Variants in ZMYM2 observed in about 807,000 individuals in gnomAD.
ZMYM2 encodes the protein zinc finger MYM-type protein 2.
A neutral mutation model predicts 162.8 loss-of-function variants in ZMYM2; 56 were observed. The observed-to-expected ratio is 0.34, with a 90% CI of 0.28 to 0.43. ZMYM2 has a LOEUF of 0.43. Ranked by LOEUF, ZMYM2 falls within the 20% of genes least tolerant of loss-of-function variation. ZMYM2 has a pLI of 1.00. For missense variants in ZMYM2, 1,275 were observed against 1,621.8 expected (o/e 0.79, Z 3.67); for synonymous variants, 510 against 541.6 (o/e 0.94, Z 0.81).
the ZMYM2 span, among the ~76,000 whole-genome samples, chr13:19,883,203 TAG>T: frequency 6.6e-6 from 1 of 152,126 alleles, no homozygotes; most frequent in Non-Finnish European, 1.5e-5. Context: ...AGTAAACCTA[TAG>T]AGACAGGAAC....
rs375642889 is a variant in ZMYM2, at chr13:20,007,869, C to T, written c.1512+1283C>T. 1.6e-4 allele frequency among the ~76,000 whole-genome samples: 25 copies of T among 152,134 alleles called. 1 individual carries two copies. The highest frequency in any genetic ancestry group is 9.7e-4 in the East Asian group (5 of 5,172). ...CTCCTGAGCTCAAGTGGTCTCCGTG[C>T]CTCGGCCTCCCAAAGTGCTGGGATT... is the stretch of plus-strand genomic sequence containing the variant. On this transcript the variant is annotated intron_variant, in intron 6 of 24. Coordinates refer to ENST00000610343, the MANE Select transcript of ZMYM2 (RefSeq NM_197968.4).
intron 2 of ZMYM2, among the ~76,000 whole-genome samples, chr13:19,966,127 T>A (rs533438764): frequency 7.5e-5 from 11 of 147,394 alleles, no homozygotes; most frequent in African/African-American, 2.8e-4. Flanking sequence ...TTTTTTTTTG[T>A]TTTTGTTTTG....
chr13:20,086,851 G>A lies in ZMYM2; in HGVS notation c.*837G>A, dbSNP rs1958304932. The A allele has an allele frequency of 6.1e-6, 1 of 165,064 alleles. No individual in the cohort carries two copies. Among genetic ancestry groups the A allele is most frequent in the African/African-American group, 2.4e-5 (1 of 41,342 alleles). The allele number at this position is 165,064 out of a possible 1,614,324, so 10.2% of individuals were successfully genotyped here. A position where few individuals can be genotyped will look rare whatever the true frequency, so the allele number is the denominator to read the frequency against. On this transcript the variant is annotated 3_prime_UTR_variant, in exon 25 of 25. Transcript: ENST00000610343. ...ATCAAGACATTTCCTTTGTAAAAAT[G>A]TCTGGTGAAAGTATAAAATTCTGTT...
chr13:19,986,044 G>T (rs1949106225), intron 2 of ZMYM2, among the ~76,000 whole-genome samples: 1 of 151,914 alleles, frequency 6.6e-6, no homozygotes, highest in South Asian at 2.1e-4. Context: ...AAAAAAATCA[G>T]CCTGGCGTGT....
the ZMYM2 span, among the ~76,000 whole-genome samples, chr13:19,884,049 G>A: frequency 6.6e-6 from 1 of 152,116 alleles, no homozygotes; most frequent in South Asian, 2.1e-4. Flanking sequence ...TGAGCCCCCG[G>A]GCGTGGCCTA....
chr13:19,927,465 AAAT>A, the ZMYM2 span, among the ~76,000 whole-genome samples: 1 of 152,178 alleles, frequency 6.6e-6, no homozygotes, highest in African/African-American at 2.4e-5. Flanking sequence ...TATTTTCACT[AAAT>A]ATAATGCTTC....
At chr13:20,063,687 A>T (rs904587519) in intron 18 of ZMYM2, among the ~76,000 whole-genome samples, 48 of 150,338 alleles carry the variant, frequency 3.2e-4, no homozygotes, top group Non-Finnish European at 6.1e-4. Flanking sequence ...AGGCTGAGGC[A>T]GAATTGCTTG....
At chr13:19,942,674 C>T in the ZMYM2 span, among the ~76,000 whole-genome samples, 4 of 151,976 alleles carry the variant, frequency 2.6e-5, no homozygotes, top group East Asian at 7.7e-4. Flanking sequence ...CCTGCCACTG[C>T]ATCCCAGCCT....
the ZMYM2 span, among the ~76,000 whole-genome samples, chr13:19,905,185 G>A: frequency 5.3e-5 from 8 of 151,868 alleles, no homozygotes; most frequent in African/African-American, 1.5e-4. Flanking sequence ...GTTAATTTTT[G>A]TATTTTTAGT....
At chr13:19,918,772 T>G in the ZMYM2 span, among the ~76,000 whole-genome samples, 1 of 152,104 alleles carries the variant, frequency 6.6e-6, no homozygotes, top group African/African-American at 2.4e-5. Context: ...GTGCAGGGAT[T>G]AGAGGCGTGA....
chr13:19,992,106 C>T (rs888923667), intron 2 of ZMYM2, among the ~76,000 whole-genome samples: 3 of 152,110 alleles, frequency 2.0e-5, no homozygotes, highest in Non-Finnish European at 4.4e-5. Flanking sequence ...GACCTTTATT[C>T]AGCCTGCTAC....
At chr13:19,941,223 G>A in the ZMYM2 span, among the ~76,000 whole-genome samples, 7 of 151,786 alleles carry the variant, frequency 4.6e-5, no homozygotes, top group African/African-American at 1.4e-4. Context: ...GTAGAGAATC[G>A]CTTCAACCCA....
chr13:20,044,909 G>A (rs1352263196), intron 12 of ZMYM2, among the ~76,000 whole-genome samples: 1 of 151,942 alleles, frequency 6.6e-6, no homozygotes, highest in East Asian at 1.9e-4. Context: ...AATTAGCCAT[G>A]CATGGTGGTG....
intron 2 of ZMYM2, among the ~76,000 whole-genome samples, chr13:19,967,606 TTAATA>T (rs1369740084): frequency 2.6e-5 from 4 of 152,254 alleles, no homozygotes; most frequent in Non-Finnish European, 5.9e-5. Context: ...ACATTATGCT[TTAATA>T]TAACTATTAA....
At position 20,040,262 on chromosome 13, in the gene ZMYM2, G is replaced by A. The variant is rs1350179611; in HGVS notation, c.2292+3353G>A. ...GGGTATTTATTACTGATTCAATTTC[G>A]GAGCTCATTGTTGGTTTGTTCAGGG... is the stretch of plus-strand genomic sequence containing the variant. On this transcript the variant is annotated intron_variant, in intron 12 of 24. Transcript: ENST00000610343. 3.9e-5 allele frequency among the ~76,000 whole-genome samples: 6 copies of A among 151,966 alleles called. No homozygotes were observed. The South Asian group carries it at 1.0e-3, about 26-fold the overall frequency.
chr13:19,884,218 A>G, the ZMYM2 span, among the ~76,000 whole-genome samples: 1 of 152,024 alleles, frequency 6.6e-6, no homozygotes, highest in Non-Finnish European at 1.5e-5. Flanking sequence ...AAAATTTAAA[A>G]ATTAGCCAAG....
intron 6 of ZMYM2, 57 bp downstream of exon 6, chr13:20,006,643 T>G: frequency 6.7e-7 from 1 of 1,495,440 alleles, no homozygotes; most frequent in Non-Finnish European, 9.2e-7. Flanking sequence ...GAAAGTGTTG[T>G]AATACTTTTA....
chr13:20,088,985 ATGTAT>A lies in ZMYM2; in HGVS notation c.*2975_*2979del. 5.0e-6 allele frequency: 1 copy of A among 199,032 alleles called. No homozygotes were observed. The highest frequency in any genetic ancestry group is 7.8e-5 in the East Asian group (1 of 12,772). 12.3% of individuals were successfully genotyped at this position (199,032 alleles called of 1,614,324 possible). ...TTTTATTATGCCAGTTATTTCCAAAATGTATTGTTATACATGTCACTTATGTTTTT... is the reference window on the plus strand; with the variant it reads ...TTTTATTATGCCAGTTATTTCCAAAATGTTATACATGTCACTTATGTTTTT... On this transcript the variant is annotated 3_prime_UTR_variant, in exon 25 of 25. Coordinates refer to ENST00000610343, the MANE Select transcript of ZMYM2 (RefSeq NM_197968.4).
At chr13:19,915,370 C>T in the ZMYM2 span, among the ~76,000 whole-genome samples, 22 of 152,064 alleles carry the variant, frequency 1.4e-4, no homozygotes, top group Middle Eastern at 0.01. Context: ...GCTAGAATGA[C>T]AGGCATGAGC....
Sources: allele counts gnomAD v4.1 joint callset (sites outside exome capture counted in the v4.1 genomes callset), GRCh38; gene constraint gnomAD v4.1.1; transcripts MANE v1.5; gene names NCBI Gene and HGNC (gene_info 2026-07-23, HGNC 2026-07-21).